Variants in CADM2 observed in about 807,000 individuals in gnomAD.
CADM2 encodes the protein cell adhesion molecule 2, also known as immunoglobulin superfamily member 4D.
Under a neutral mutation model 49.8 loss-of-function variants are expected in CADM2, and 12 were observed. That is an observed-to-expected ratio of 0.24 (90% confidence interval 0.15 to 0.39). The LOEUF (loss-of-function observed/expected upper bound fraction) is 0.39, where lower values mean the gene tolerates loss of function less well. Among genes scored for constraint, CADM2 ranks in the 10% least tolerant of loss-of-function variants. The pLI is 1.00. For missense variants in CADM2, 378 were observed against 492.3 expected (o/e 0.77, Z 2.20); for synonymous variants, 214 against 175.4 (o/e 1.22, Z -1.74).
intron 1 of CADM2, among the ~76,000 whole-genome samples, chr3:85,437,864 A>G (rs571866216): frequency 8.5e-5 from 13 of 152,100 alleles, no homozygotes; most frequent in African/African-American, 3.1e-4. Flanking sequence ...TATAAGTCAC[A>G]TATTGGCTTT....
At chr3:85,659,891 C>T (rs1228716920) in intron 1 of CADM2, among the ~76,000 whole-genome samples, 1 of 152,056 alleles carries the variant, frequency 6.6e-6, no homozygotes, top group Admixed American at 6.6e-5. Context: ...GCACCAAATC[C>T]AGCTGTGGAT....
intron 1 of CADM2, among the ~76,000 whole-genome samples, chr3:85,568,645 G>A (rs1299944363): frequency 5.7e-5 from 7 of 123,686 alleles, no homozygotes; most frequent in African/African-American, 9.3e-5. Flanking sequence ...GTCTGTTGCC[G>A]AGGCTGGAGT....
At chr3:85,947,560 A>T (rs995413053) in intron 7 of CADM2, among the ~76,000 whole-genome samples, 1 of 151,592 alleles carries the variant, frequency 6.6e-6, no homozygotes, top group South Asian at 2.1e-4. Flanking sequence ...TGAAAAAAAA[A>T]ATGTGTGCAG....
Position 84,959,449 on chromosome 3 carries a change from G to T in CADM2, c.-159G>T. 3.1e-6 allele frequency: 2 copies of T among 635,094 alleles called. No individual in the cohort carries two copies. The highest frequency in any genetic ancestry group is 6.0e-5 in the East Asian group (2 of 33,120). The allele number at this position is 635,094 out of a possible 1,614,324, so 39.3% of individuals were successfully genotyped here. A position where few individuals can be genotyped will look rare whatever the true frequency, so the allele number is the denominator to read the frequency against. ...CTTTGCCGCTGCCGCTTCTGCTGCC[G>T]CCGATCCGAGTCCGCGGGTTCGAAC... is the stretch of plus-strand genomic sequence containing the variant. On this transcript the variant is annotated 5_prime_UTR_variant, in exon 1 of 10. Transcript: ENST00000383699.
chr3:85,296,775 G>T lies in CADM2; in HGVS notation c.61+337107G>T, dbSNP rs977524281. Reference sequence around the variant, plus strand: ...AATTACCACGACTTTCTACTCCTATGCCTTGGGATTCCACATGATTTCTTC... The same window carrying T: ...AATTACCACGACTTTCTACTCCTATTCCTTGGGATTCCACATGATTTCTTC... On this transcript the variant is annotated intron_variant, in intron 1 of 9. Coordinates refer to ENST00000383699, the MANE Select transcript of CADM2 (RefSeq NM_001167675.2). Among the ~76,000 whole-genome samples, 16 of 152,150 alleles carry T rather than the reference G, an allele frequency of 1.1e-4. 1 individual carries two copies. Among genetic ancestry groups the T allele is most frequent in the Admixed American group, 9.8e-4 (15 of 15,266 alleles).
intron 8 of CADM2, among the ~76,000 whole-genome samples, chr3:86,058,253 A>G (rs1738226726): frequency 6.6e-6 from 1 of 152,180 alleles, no homozygotes. Context: ...AGTAAATTAA[A>G]AGTCCTGAAT....
intron 1 of CADM2, among the ~76,000 whole-genome samples, chr3:85,559,670 AC>A (rs2062043301): frequency 2.1e-5 from 2 of 93,154 alleles, no homozygotes; most frequent in Admixed American, 2.4e-4. Context: ...ACACACACAC[AC>A]ACACACACAC....
At position 85,843,279 on chromosome 3, in the gene CADM2, G is replaced by A. The variant is rs866005591; in HGVS notation, c.239-40012G>A. On this transcript the variant is annotated intron_variant, in intron 3 of 9. Coordinates refer to ENST00000383699, the MANE Select transcript of CADM2 (RefSeq NM_001167675.2). ...TTTGCTTTCTTTGCTGACTTTAAGT[G>A]CATGGGAATCAATAGCAGAAACATC... Among the ~76,000 whole-genome samples, 16 of 152,158 alleles carry A rather than the reference G, an allele frequency of 1.1e-4. No individual in the cohort carries two copies. The South Asian group carries it at 3.1e-3, about 30-fold the overall frequency.
chr3:85,829,909 T>G (rs2074108131), intron 3 of CADM2, among the ~76,000 whole-genome samples: 1 of 151,958 alleles, frequency 6.6e-6, no homozygotes, highest in South Asian at 2.1e-4. Context: ...CTTTATCCAT[T>G]TATCCATTGG....
chr3:85,943,664 G>C (rs1181397213), intron 7 of CADM2, among the ~76,000 whole-genome samples: 1 of 151,914 alleles, frequency 6.6e-6, no homozygotes, highest in South Asian at 2.1e-4. Flanking sequence ...CAAGGCTACA[G>C]TACCCAAAAC....
intron 1 of CADM2, among the ~76,000 whole-genome samples, chr3:85,327,234 A>G (rs770063184): frequency 6.6e-6 from 1 of 151,908 alleles, no homozygotes; most frequent in Non-Finnish European, 1.5e-5. Flanking sequence ...TGTTAAACAC[A>G]CACATTTATT....
intron 1 of CADM2, among the ~76,000 whole-genome samples, chr3:85,483,414 A>C (rs904862235): frequency 4.6e-5 from 7 of 151,246 alleles, no homozygotes; most frequent in African/African-American, 1.5e-4. Flanking sequence ...TTACATATGC[A>C]TGTGTATGTA....
intron 1 of CADM2, among the ~76,000 whole-genome samples, chr3:85,145,093 G>C (rs1383771238): frequency 6.6e-6 from 1 of 152,128 alleles, no homozygotes; most frequent in Non-Finnish European, 1.5e-5. Flanking sequence ...ACTGTTCTAT[G>C]CTAAGGAAAA....
intron 1 of CADM2, among the ~76,000 whole-genome samples, chr3:85,383,537 T>C (rs980853367): frequency 2.1e-3 from 302 of 145,346 alleles, no homozygotes; most frequent in African/African-American, 6.3e-3. Flanking sequence ...TATATATATA[T>C]ACATATATAT....
intron 1 of CADM2, among the ~76,000 whole-genome samples, chr3:85,656,853 C>G (rs1461388454): frequency 6.6e-6 from 1 of 152,066 alleles, no homozygotes; most frequent in Non-Finnish European, 1.5e-5. Context: ...TCCCCATTGC[C>G]TAATAAATTA....
At chr3:85,393,425 G>A (rs908360305) in intron 1 of CADM2, among the ~76,000 whole-genome samples, 2 of 152,174 alleles carry the variant, frequency 1.3e-5, no homozygotes, top group Non-Finnish European at 2.9e-5. Context: ...CTGCAGAATG[G>A]AGGTGAATGT....
chr3:85,888,483 G>A (rs754211433), intron 5 of CADM2, among the ~76,000 whole-genome samples: 7 of 152,138 alleles, frequency 4.6e-5, no homozygotes, highest in Non-Finnish European at 1.0e-4. Flanking sequence ...AACAGGTACA[G>A]AATCAGAATA....
intron 3 of CADM2, among the ~76,000 whole-genome samples, chr3:85,871,219 A>G (rs2075914105): frequency 6.6e-6 from 1 of 152,178 alleles, no homozygotes; most frequent in East Asian, 1.9e-4. Flanking sequence ...AAGTGGGTAA[A>G]ACATGAACAG....
intron 8 of CADM2, among the ~76,000 whole-genome samples, chr3:85,990,013 CAAAA>C (rs58178176): frequency 0.012 from 115 of 9,618 alleles, 1 homozygote; most frequent in Non-Finnish European, 0.016. Flanking sequence ...ACTCCATGTC[CAAAA>C]AAAAAAAAAA....
Sources: gnomAD v4.1 joint callset for allele counts (sites outside exome capture counted in the v4.1 genomes callset) on GRCh38, gnomAD v4.1.1 for gene constraint, MANE v1.5 for transcripts, NCBI Gene and HGNC (gene_info 2026-07-23, HGNC 2026-07-21) for gene names.